The following NPR3 variants were observed in gnomAD, a reference collection of about 807,000 sequenced individuals.
The protein encoded by NPR3 is natriuretic peptide receptor 3, also known as atrial natriuretic peptide receptor 3.
In NPR3, 34 loss-of-function variants were observed where a neutral mutation model predicts 54.5. The ratio of observed to expected loss-of-function variants is 0.62; its 90% CI spans 0.47 to 0.83. The LOEUF (loss-of-function observed/expected upper bound fraction) is 0.83, where lower values mean the gene tolerates loss of function less well. Ranked by LOEUF, NPR3 falls within the 40% of genes least tolerant of loss-of-function variation. The pLI, the probability that NPR3 is intolerant of heterozygous loss-of-function variation, is 0.00. For synonymous variants in NPR3, 289 were observed against 297.1 expected (o/e 0.97, Z 0.28); for missense variants, 674 against 720.8 (o/e 0.94, Z 0.74).
chr5:32,709,438 A>G (rs1413212809), upstream of NPR3: 1 of 150,046 alleles, frequency 6.7e-6, no homozygotes, highest in African/African-American at 2.5e-5. Flanking sequence ...CTGTGCTGCC[A>G]TAAACGCCTG....
chr5:32,779,643 G>T lies in NPR3; in HGVS notation c.1196-1079G>T, dbSNP rs186348526. 3.0e-3 allele frequency among the ~76,000 whole-genome samples: 449 copies of T among 152,178 alleles called. 1 individual carries two copies. Among genetic ancestry groups the T allele is most frequent in the African/African-American group, 0.01 (434 of 41,518 alleles). Reference sequence around the variant, plus strand: ...CTCTCCCACTTCTTGATTACTGCTTGCCCAATCTTAGACTTCCTCCAACAT... The same window carrying T: ...CTCTCCCACTTCTTGATTACTGCTTTCCCAATCTTAGACTTCCTCCAACAT... On this transcript the variant is annotated intron_variant, in intron 4 of 7. Transcript: ENST00000265074.
intron 1 of NPR3, chr5:32,713,344 C>G: frequency 1.0e-6 from 1 of 985,456 alleles, no homozygotes; most frequent in Non-Finnish European, 1.2e-6. Context: ...AAAACCCAAA[C>G]TGGACAAAGA....
At chr5:32,769,772 G>C (rs1350257052) in intron 3 of NPR3, among the ~76,000 whole-genome samples, 4 of 152,196 alleles carry the variant, frequency 2.6e-5, no homozygotes, top group Non-Finnish European at 5.9e-5. Flanking sequence ...CAGTTATCCA[G>C]CAACCCCAAG....
intron 3 of NPR3, among the ~76,000 whole-genome samples, chr5:32,759,322 CTCT>C (rs1490631013): frequency 6.6e-6 from 1 of 152,158 alleles, no homozygotes. Context: ...AGATAATTAG[CTCT>C]TCTTGTTGAA....
At chr5:32,769,365 C>A (rs1466711332) in intron 3 of NPR3, among the ~76,000 whole-genome samples, 1 of 152,170 alleles carries the variant, frequency 6.6e-6, no homozygotes, top group Non-Finnish European at 1.5e-5. Flanking sequence ...TCTACCACCT[C>A]CAGTGGTCCA....
At position 32,786,481 on chromosome 5, in the gene NPR3, T is replaced by A. The variant is rs1742639157; in HGVS notation, c.*136T>A. 7.8e-6 allele frequency: 5 copies of A among 642,292 alleles called. No individual in the cohort carries two copies. Among genetic ancestry groups the A allele is most frequent in the Non-Finnish European group, 1.4e-5 (5 of 359,676 alleles). 39.8% of individuals were successfully genotyped at this position (642,292 alleles called of 1,614,324 possible). On this transcript the variant is annotated 3_prime_UTR_variant, in exon 8 of 8. Coordinates refer to ENST00000265074, the MANE Select transcript of NPR3 (RefSeq NM_001204375.2). ...GCAGTTAGTAATTTCATTTTAAAAT[T>A]TCTGTAGAAGCTCAGGAATTATGAT... is the stretch of plus-strand genomic sequence containing the variant.
chr5:32,765,707 T>C lies in NPR3; in HGVS notation c.1060-9001T>C, dbSNP rs1459229365. On this transcript the variant is annotated intron_variant, in intron 3 of 7. Coordinates refer to ENST00000265074, the MANE Select transcript of NPR3 (RefSeq NM_001204375.2). Reference sequence around the variant, plus strand: ...ATGGAAGGAAGGAGGAATTGGATGGTTCAGAGACGACTTCAGTGAGAAGAA... The same window carrying C: ...ATGGAAGGAAGGAGGAATTGGATGGCTCAGAGACGACTTCAGTGAGAAGAA... 2.0e-5 allele frequency among the ~76,000 whole-genome samples: 3 copies of C among 152,190 alleles called. No individual in the cohort carries two copies. The East Asian group carries it at 5.8e-4, about 29-fold the overall frequency.
intron 1 of NPR3, among the ~76,000 whole-genome samples, chr5:32,701,253 C>G (rs140327011): frequency 6.6e-6 from 1 of 152,180 alleles, no homozygotes; most frequent in East Asian, 1.9e-4. Context: ...CTCATGTTCA[C>G]TAGTTTTTTC....
chr5:32,698,016 T>C, intron 1 of NPR3, among the ~76,000 whole-genome samples: 1 of 152,060 alleles, frequency 6.6e-6, no homozygotes. Context: ...TTATTTCTTT[T>C]CTTCTACCAA....
At chr5:32,751,099 T>C (rs1740551621) in intron 3 of NPR3, among the ~76,000 whole-genome samples, 1 of 152,130 alleles carries the variant, frequency 6.6e-6, no homozygotes, top group Non-Finnish European at 1.5e-5. Context: ...GGTTTTAAAG[T>C]AGATTTTAAA....
At chr5:32,707,197 T>TAAGAGGATTATAAAA (rs1301133528), upstream of NPR3, among the ~76,000 whole-genome samples, 1 of 152,160 alleles carries the variant, frequency 6.6e-6, no homozygotes, top group African/African-American at 2.4e-5. Context: ...GATGGAAATC[T>TAAGAGGATTATAAAA]AAGAGGATTA....
intron 2 of NPR3, among the ~76,000 whole-genome samples, chr5:32,731,770 T>C (rs1321128692): frequency 6.6e-6 from 1 of 152,170 alleles, no homozygotes; most frequent in Non-Finnish European, 1.5e-5. Flanking sequence ...AGGAATTGCA[T>C]CTTCATGCAC....
upstream of NPR3, among the ~76,000 whole-genome samples, chr5:32,706,447 G>T (rs1014994205): frequency 6.6e-6 from 1 of 152,176 alleles, no homozygotes; most frequent in Non-Finnish European, 1.5e-5. Flanking sequence ...AGGTGGAAGT[G>T]GTCAAGAGCC....
chr5:32,743,235 A>C (rs1740124154), intron 3 of NPR3, among the ~76,000 whole-genome samples: 3 of 152,160 alleles, frequency 2.0e-5, no homozygotes, highest in African/African-American at 7.2e-5. Context: ...ACTTACATGC[A>C]GTTTTAAGAT....
At chr5:32,710,827 AT>A, upstream of NPR3, 1 of 1,431,892 alleles carries the variant, frequency 7.0e-7, no homozygotes, top group Non-Finnish European at 9.2e-7. Context: ...CGAAACCACA[AT>A]TTCTAGAACC....
At chr5:32,698,717 A>G (rs1479933442) in intron 1 of NPR3, among the ~76,000 whole-genome samples, 1 of 152,024 alleles carries the variant, frequency 6.6e-6, no homozygotes, top group Non-Finnish European at 1.5e-5. Flanking sequence ...CCCCTTTATC[A>G]TTAGATAATG....
chr5:32,713,933 G>T (rs372463005), intron 1 of NPR3, among the ~76,000 whole-genome samples: 47 of 152,344 alleles, frequency 3.1e-4, no homozygotes, highest in African/African-American at 1.1e-3. Flanking sequence ...CAGGCGGGGC[G>T]CAGGCTTTGC....
upstream of NPR3, among the ~76,000 whole-genome samples, chr5:32,704,482 A>G (rs1330727314): frequency 1.3e-5 from 2 of 151,780 alleles, no homozygotes; most frequent in Non-Finnish European, 2.9e-5. Context: ...CTGTCTTCCA[A>G]ATGATATCTC....
Position 32,711,920 on chromosome 5 carries a change from G to A in NPR3, c.144G>A (p.Leu48=). The stretch of plus-strand genomic sequence containing the variant: ...GCGGACGCCAGGAGAGAGAGGCGCT[G>A]CCGCCACAGAAGATCGAGGTGCTGG... ...IGGGRQEREA[L]PPQKIEVLVL... The change falls in exon 1 of 8, where the codon CTG becomes CTA. Residue 48 remains leucine (L), a synonymous_variant. Coordinates refer to ENST00000265074, the MANE Select transcript of NPR3 (RefSeq NM_001204375.2). 1 of 1,499,496 alleles carries A rather than the reference G, an allele frequency of 6.7e-7. No homozygotes were observed. The highest frequency in any genetic ancestry group is 8.9e-7 in the Non-Finnish European group (1 of 1,122,622). The allele number at this position is 1,499,496 out of a possible 1,614,324, so 92.9% of individuals were successfully genotyped here. A position where few individuals can be genotyped will look rare whatever the true frequency, so the allele number is the denominator to read the frequency against.
Sources: gnomAD v4.1 joint callset for allele counts (sites outside exome capture counted in the v4.1 genomes callset) on GRCh38, gnomAD v4.1.1 for gene constraint, MANE v1.5 for transcripts, NCBI Gene and HGNC (gene_info 2026-07-23, HGNC 2026-07-21) for gene names.